Variants in NAV2 observed in about 807,000 individuals in gnomAD.
NAV2 encodes helicase, APC down-regulated 1.
In NAV2, 54 loss-of-function variants were observed where a neutral mutation model predicts 223.2. The observed-to-expected ratio is 0.24, with a 90% CI of 0.19 to 0.30. The LOEUF (loss-of-function observed/expected upper bound fraction) is 0.30, where lower values mean the gene tolerates loss of function less well. Ranked by LOEUF, NAV2 falls within the 10% of genes least tolerant of loss-of-function variation. The probability of loss-of-function intolerance (pLI) is 1.00; values close to 1 mark genes in which losing one functional copy is unlikely to be tolerated. For synonymous variants in NAV2, 1,279 were observed against 1,239.3 expected (o/e 1.03, Z -0.67); for missense variants, 2,806 against 3,147.5 (o/e 0.89, Z 2.60).
intron 25 of NAV2, among the ~76,000 whole-genome samples, chr11:20,080,582 A>G (rs1260176828): frequency 2.0e-5 from 3 of 151,984 alleles, no homozygotes; most frequent in African/African-American, 7.3e-5. Flanking sequence ...TTTTTTGAGC[A>G]TATTGCTAGT....
intron 1 of NAV2, among the ~76,000 whole-genome samples, chr11:19,582,840 G>A (rs1229734606): frequency 6.6e-6 from 1 of 152,152 alleles, no homozygotes; most frequent in Admixed American, 6.5e-5. Flanking sequence ...GATTGACTTA[G>A]GATTGACTTG....
chr11:19,404,106 G>A (rs1419330684), intron 1 of NAV2, among the ~76,000 whole-genome samples: 1 of 152,132 alleles, frequency 6.6e-6, no homozygotes, highest in Non-Finnish European at 1.5e-5. Flanking sequence ...ATAAGGTGGA[G>A]GCCTTGAGTA....
intron 1 of NAV2, among the ~76,000 whole-genome samples, chr11:19,816,754 G>C (rs1409092823): frequency 2.6e-5 from 4 of 152,176 alleles, no homozygotes; most frequent in Admixed American, 6.5e-5. Context: ...TCTGAGGTCA[G>C]TGCTTTATGG....
At chr11:19,603,395 A>C (rs2046398626) in intron 1 of NAV2, among the ~76,000 whole-genome samples, 1 of 152,182 alleles carries the variant, frequency 6.6e-6, no homozygotes, top group Non-Finnish European at 1.5e-5. Context: ...TGGGAGGCCA[A>C]GGCAGGTGGA....
chr11:19,933,290 C>T lies in NAV2; in HGVS notation c.1046C>T (p.Pro349Leu), dbSNP rs367880415. 1.1e-5 allele frequency: 17 copies of T among 1,613,508 alleles called. No homozygotes were observed. The highest frequency in any genetic ancestry group is 8.9e-5 in the East Asian group (4 of 44,898). ...AATTGCAGTACCTCCTCGGCCATCCCGCAGCCCGGTGCAGCCACCAAGCCT... is the reference window on the plus strand; with the variant it reads ...AATTGCAGTACCTCCTCGGCCATCCTGCAGCCCGGTGCAGCCACCAAGCCT... The part of the protein sequence containing the change: ...PTNCSTSSAI[P>L]QPGAATKPWR... Residue 349 changes from proline (P) to leucine (L), a missense_variant, in exon 7 of 38, where the codon CCG becomes CTG. Coordinates refer to ENST00000349880, the MANE Select transcript of NAV2 (RefSeq NM_145117.5). This position sits in a 1 kb window ranked among gnomAD's most constrained non-coding sequence, Gnocchi z 4.3.
chr11:20,082,904 A>G (rs1565018879), intron 25 of NAV2, 103 bp from the exon 26 acceptor site: 2 of 1,148,408 alleles, frequency 1.7e-6, no homozygotes, highest in South Asian at 1.6e-5. Context: ...GTGGGGGGAA[A>G]AACATGGGAG....
At chr11:20,018,841 G>A (rs1212652980) in intron 11 of NAV2, among the ~76,000 whole-genome samples, 1 of 152,184 alleles carries the variant, frequency 6.6e-6, no homozygotes, top group African/African-American at 2.4e-5. Context: ...CCCTGAGGAG[G>A]TGCCATTCCA....
intron 10 of NAV2, among the ~76,000 whole-genome samples, chr11:19,954,142 T>G (rs1171523414): frequency 6.6e-6 from 1 of 152,320 alleles, no homozygotes; most frequent in East Asian, 1.9e-4. Context: ...TCTCAATTCC[T>G]TTTCACTGTG....
At chr11:19,759,163 A>C (rs1338026941) in intron 1 of NAV2, among the ~76,000 whole-genome samples, 1 of 134,460 alleles carries the variant, frequency 7.4e-6, no homozygotes, top group African/African-American at 2.9e-5. Context: ...GCTCACTGCA[A>C]GCTCCGCCTC....
intron 25 of NAV2, chr11:20,082,646 A>G (rs780190025): frequency 1.3e-6 from 2 of 1,580,490 alleles, no homozygotes; most frequent in East Asian, 2.2e-5. Flanking sequence ...TAACCCATCC[A>G]TTGATATGAC....
intron 1 of NAV2, among the ~76,000 whole-genome samples, chr11:19,821,810 T>C (rs1169198950): frequency 1.3e-5 from 2 of 152,212 alleles, no homozygotes; most frequent in African/African-American, 4.8e-5. Flanking sequence ...GTGATGGGTA[T>C]TATGCAATAT....
intron 1 of NAV2, among the ~76,000 whole-genome samples, chr11:19,613,646 C>T (rs1340340586): frequency 6.6e-6 from 1 of 152,180 alleles, no homozygotes; most frequent in Non-Finnish European, 1.5e-5. Flanking sequence ...CTACAACTCT[C>T]CCAACCTAGG....
intron 1 of NAV2, among the ~76,000 whole-genome samples, chr11:19,665,098 G>A (rs2048375418): frequency 6.6e-6 from 1 of 152,198 alleles, no homozygotes; most frequent in Non-Finnish European, 1.5e-5. Flanking sequence ...GGCAGTCCCA[G>A]GTTTGAGAGG....
chr11:20,001,793 A>G (rs2052579399), intron 11 of NAV2, among the ~76,000 whole-genome samples: 1 of 152,042 alleles, frequency 6.6e-6, no homozygotes, highest in Non-Finnish European at 1.5e-5. Flanking sequence ...AACATGGCAC[A>G]TGTATACATA....
intron 3 of NAV2, among the ~76,000 whole-genome samples, chr11:19,856,018 G>GCAT (rs1396837643): frequency 6.6e-6 from 1 of 152,134 alleles, no homozygotes; most frequent in Non-Finnish European, 1.5e-5. Flanking sequence ...CTGATATGTG[G>GCAT]ATATGTAGAT....
intron 1 of NAV2, among the ~76,000 whole-genome samples, chr11:19,816,066 T>A (rs779703870): frequency 3.0e-4 from 46 of 152,174 alleles, no homozygotes; most frequent in Non-Finnish European, 5.9e-4. Context: ...GTAGTCTTCG[T>A]AGTAAACGCC....
At chr11:19,382,640 C>A (rs1848888178) in intron 1 of NAV2, among the ~76,000 whole-genome samples, 1 of 152,206 alleles carries the variant, frequency 6.6e-6, no homozygotes, top group Non-Finnish European at 1.5e-5. Context: ...CCTGGCACAT[C>A]ATCCCAACAA....
rs113329401 is a variant in NAV2 at position 19,998,392 on chromosome 11, G to T, written c.2768+14145G>T. Among the ~76,000 whole-genome samples, 6 of 152,122 alleles carry T rather than the reference G, an allele frequency of 3.9e-5. No individual in the cohort carries two copies. Among genetic ancestry groups the T allele is most frequent in the African/African-American group, 1.4e-4 (6 of 41,498 alleles). ...CCCACTGCAGCCTTCCAGGCCCACTGTACCCACCAGGGCCTTCATGCGGTA... is the reference window on the plus strand; with the variant it reads ...CCCACTGCAGCCTTCCAGGCCCACTTTACCCACCAGGGCCTTCATGCGGTA... On this transcript the variant is annotated intron_variant, in intron 11 of 37. Coordinates refer to ENST00000349880, the MANE Select transcript of NAV2 (RefSeq NM_145117.5). The surrounding 1 kb of genome is among the most constrained non-coding windows in gnomAD (Gnocchi z 5.0).
intron 1 of NAV2, among the ~76,000 whole-genome samples, chr11:19,444,118 T>C (rs1211520151): frequency 2.6e-5 from 4 of 152,164 alleles, no homozygotes; most frequent in Non-Finnish European, 5.9e-5. Context: ...AATTTTTGTA[T>C]TTTTAGTAGA....
Sources: gnomAD v4.1 joint callset for allele counts (sites outside exome capture counted in the v4.1 genomes callset) on GRCh38, gnomAD v4.1.1 for gene constraint, Gnocchi (gnomAD v3.1) non-coding constraint, MANE v1.5 for transcripts, NCBI Gene and HGNC (gene_info 2026-07-23, HGNC 2026-07-21) for gene names.